PHF8: variants seen among roughly 807,000 people sequenced by gnomAD.
PHF8 encodes PHD finger protein 8, also known as histone lysine demethylase PHF8.
A neutral mutation model predicts 74.4 loss-of-function variants in PHF8; 9 were observed. That is an observed-to-expected ratio of 0.12 (90% CI 0.07 to 0.21). The LOEUF (loss-of-function observed/expected upper bound fraction) is 0.21, where lower values mean the gene tolerates loss of function less well. Ranked by LOEUF, PHF8 falls within the 10% of genes least tolerant of loss-of-function variation. The pLI, the probability that PHF8 is intolerant of heterozygous loss-of-function variation, is 1.00. For missense variants in PHF8, 478 were observed against 816.6 expected (o/e 0.59, Z 5.05); for synonymous variants, 311 against 316.6 (o/e 0.98, Z 0.19).
chrX:53,949,695 C>T (rs1182718517), intron 19 of PHF8, among the ~76,000 whole-genome samples: 1 of 106,625 alleles, frequency 9.4e-6, no homozygotes, highest in Non-Finnish European at 1.9e-5. Flanking sequence ...GCCTGTAGTC[C>T]CAGCTACTCA....
At chrX:54,048,304 GA>G (rs2066643175), upstream of PHF8, among the ~76,000 whole-genome samples, 2 of 111,630 alleles carry the variant, frequency 1.8e-5, no homozygotes, top group South Asian at 7.5e-4. Flanking sequence ...TACCCTTAGG[GA>G]ATAGACGATC....
chrX:53,980,093 C>T (rs782803752), intron 18 of PHF8, among the ~76,000 whole-genome samples: 1 of 111,278 alleles, frequency 9.0e-6, no homozygotes, highest in East Asian at 2.8e-4. Flanking sequence ...CCTTTAAAGT[C>T]TGAAAACAGC....
chrX:53,983,174 C>CAAA (rs782226902), intron 18 of PHF8, among the ~76,000 whole-genome samples: 3 of 52,195 alleles, frequency 5.7e-5, no homozygotes, highest in African/African-American at 1.9e-4. Flanking sequence ...GACTGTGTCT[C>CAAA]AAAAAAAAAA....
At chrX:53,956,694 G>A (rs1672511183) in intron 19 of PHF8, among the ~76,000 whole-genome samples, 1 of 109,575 alleles carries the variant, frequency 9.1e-6, no homozygotes, top group Non-Finnish European at 1.9e-5. Flanking sequence ...GTGTGTGTGT[G>A]TGTGTGTGTG....
chrX:53,938,312 C>A lies in PHF8; in HGVS notation c.*846G>T. The stretch of plus-strand genomic sequence containing the variant: ...GGAGATGGTTTTCCACCTGCCAGGG[C>A]CCAGCCACAGCCACAGCCACAGCCA... On this transcript the variant is annotated 3_prime_UTR_variant, in exon 22 of 22. Coordinates refer to ENST00000338154, the MANE Select transcript of PHF8 (RefSeq NM_015107.3). The A allele has an allele frequency of 9.9e-7, 1 of 1,014,868 alleles. No homozygotes were observed. The highest frequency in any genetic ancestry group is 1.3e-6 in the Non-Finnish European group (1 of 799,293). 83.6% of individuals were successfully genotyped at this position (1,014,868 alleles called of 1,213,427 possible). A position where few individuals can be genotyped will look rare whatever the true frequency, so the allele number is the denominator to read the frequency against.
At position 54,021,015 on chromosome X, in the gene PHF8, T is replaced by C. The variant is rs2066160651; in HGVS notation, c.293+1244A>G. Among the ~76,000 whole-genome samples the C allele has an allele frequency of 2.7e-5, 3 of 111,774 alleles. No individual in the cohort carries two copies. In the South Asian group the frequency reaches 1.1e-3, roughly 41 times the overall value. ...GATATGTCTGCAGCACTATTCACAA[T>C]AGTAAAACATGGAATCAAACTAGGT... is the stretch of plus-strand genomic sequence containing the variant. On this transcript the variant is annotated intron_variant, in intron 4 of 21. Coordinates refer to ENST00000338154, the MANE Select transcript of PHF8 (RefSeq NM_015107.3).
chrX:53,990,444 CA>C (rs2065640509), intron 14 of PHF8, among the ~76,000 whole-genome samples: 1 of 110,994 alleles, frequency 9.0e-6, no homozygotes, highest in African/African-American at 3.3e-5. Context: ...GGGGGTGGGG[CA>C]GGGGCAGGAA....
intron 7 of PHF8, among the ~76,000 whole-genome samples, chrX:54,013,962 ATTTTTT>A (rs782435958): frequency 9.3e-6 from 1 of 107,032 alleles, no homozygotes; most frequent in Admixed American, 1.0e-4. Context: ...TTTTGAATCA[ATTTTTT>A]TTTTTAAGAT....
At chrX:54,032,019 A>G (rs995470789) in intron 2 of PHF8, among the ~76,000 whole-genome samples, 2 of 110,437 alleles carry the variant, frequency 1.8e-5, no homozygotes, top group Non-Finnish European at 3.8e-5. Context: ...TAGCCCCGAA[A>G]TTCTCCCTGC....
At chrX:53,955,967 T>C (rs190007183) in intron 19 of PHF8, among the ~76,000 whole-genome samples, 61 of 111,385 alleles carry the variant, frequency 5.5e-4, no homozygotes, top group African/African-American at 1.9e-3. Flanking sequence ...GTTTTTTGGC[T>C]GGGCGTGGTA....
At chrX:54,014,601 T>C in intron 6 of PHF8, 38 bp from the exon 7 acceptor site, 6 of 1,019,412 alleles carry the variant, frequency 5.9e-6, no homozygotes, top group Non-Finnish European at 8.3e-6. Flanking sequence ...GTCAGCTGAT[T>C]AGGAAGAGAA....
chrX:54,040,255 T>C (rs782302776), intron 2 of PHF8, among the ~76,000 whole-genome samples: 6 of 111,685 alleles, frequency 5.4e-5, no homozygotes, highest in Admixed American at 1.9e-4. Flanking sequence ...GAGCCCATTT[T>C]ACAGGTCTGA....
intron 2 of PHF8, among the ~76,000 whole-genome samples, chrX:54,029,511 T>C (rs72620337): frequency 1.8e-5 from 2 of 112,387 alleles, no homozygotes; most frequent in East Asian, 2.8e-4. Flanking sequence ...GTTCAAAAAA[T>C]AGAAAAGCTT....
intron 19 of PHF8, among the ~76,000 whole-genome samples, chrX:53,946,931 G>A (rs2064841041): frequency 8.9e-6 from 1 of 112,031 alleles, no homozygotes; most frequent in Non-Finnish European, 1.9e-5. Context: ...ACAAGATAGT[G>A]ATAAATGAAG....
In PHF8 at chrX:53,938,027, T is replaced by C. The variant is rs1319500764; in HGVS notation, c.*1131A>G. On this transcript the variant is annotated 3_prime_UTR_variant, in exon 22 of 22. Coordinates refer to ENST00000338154, the MANE Select transcript of PHF8 (RefSeq NM_015107.3). ...CTTCAACTTGGGCTCGTGAATGGCC[T>C]GTCTGCATTCTGCTTGAACGATGAC... 3 of 1,162,828 alleles carry C rather than the reference T, an allele frequency of 2.6e-6. No homozygotes were observed. In the East Asian group the frequency reaches 9.8e-5, roughly 38 times the overall value.
intron 19 of PHF8, among the ~76,000 whole-genome samples, chrX:53,961,467 A>G (rs1387766247): frequency 9.1e-6 from 1 of 110,215 alleles, no homozygotes; most frequent in East Asian, 2.8e-4. Flanking sequence ...AGCTGGGATT[A>G]TAGGCGCCCG....
At chrX:53,993,027 AG>A in intron 13 of PHF8, 188 bp from the exon 14 acceptor site, 1 of 447,490 alleles carries the variant, frequency 2.2e-6, no homozygotes, top group Non-Finnish European at 4.0e-6. Flanking sequence ...TGGTTGGTTC[AG>A]GGGACACCTG....
At chrX:54,002,522 C>T in intron 9 of PHF8, 73 bp downstream of exon 9, 3 of 682,142 alleles carry the variant, frequency 4.4e-6, no homozygotes, top group Non-Finnish European at 7.2e-6. Context: ...CATGTCCCCT[C>T]CTTCTACATT....
At position 54,044,185 on chromosome X, in the gene PHF8, G is replaced by A. The variant is rs2066610299; in HGVS notation, c.-516C>T. 1 of 754,170 alleles carries A rather than the reference G, an allele frequency of 1.3e-6. No individual in the cohort carries two copies. Among genetic ancestry groups the A allele is most frequent in the African/African-American group, 2.3e-5 (1 of 43,713 alleles). 62.2% of individuals were successfully genotyped at this position (754,170 alleles called of 1,213,427 possible). ...TAGTCTGGCGGCCGCCCGGCGAACG[G>A]GCAAGTGGCGTCGTCGCTGGGCCGG... On this transcript the variant is annotated 5_prime_UTR_variant, in exon 1 of 22. Coordinates refer to ENST00000338154, the MANE Select transcript of PHF8 (RefSeq NM_015107.3).
Sources: gnomAD v4.1 joint callset for allele counts (sites outside exome capture counted in the v4.1 genomes callset) on GRCh38, gnomAD v4.1.1 for gene constraint, MANE v1.5 for transcripts, NCBI Gene and HGNC (gene_info 2026-07-23, HGNC 2026-07-21) for gene names.